Variants in PRH1 observed in about 807,000 individuals in gnomAD.
PRH1 encodes the protein proline rich protein HaeIII subfamily 1, also known as salivary acidic proline-rich phosphoprotein 1/2.
Under a neutral mutation model 7.9 loss-of-function variants are expected in PRH1, and 7 were observed. The ratio of observed to expected loss-of-function variants is 0.89; its 90% CI spans 0.50 to 1.67. The LOEUF is 1.67. PRH1 is among the 40% of genes most tolerant of loss of function. The probability of loss-of-function intolerance (pLI) is 0.00; values close to 1 mark genes in which losing one functional copy is unlikely to be tolerated. For missense variants in PRH1, 109 were observed against 223.6 expected, an observed-to-expected ratio of 0.49 and a Z score of 3.27; for synonymous variants, 45 against 80.8, an observed-to-expected ratio of 0.56 and a Z score of 2.38.
chr12:10,969,820 G>C (rs1429550391), intron 2 of PRH1, among the ~76,000 whole-genome samples: 1 of 152,060 alleles, frequency 6.6e-6, no homozygotes, highest in African/African-American at 2.4e-5. Context: ...TTTATTTTGA[G>C]ATGGAGTCTC....
At chr12:10,942,441 C>T (rs949148408) in intron 2 of PRH1, among the ~76,000 whole-genome samples, 2 of 152,062 alleles carry the variant, frequency 1.3e-5, no homozygotes, top group East Asian at 1.9e-4. Flanking sequence ...AGTTATGCAC[C>T]TAGAAGGAAG....
chr12:10,974,931 C>A (rs747455938), intron 1 of PRH1, among the ~76,000 whole-genome samples: 1 of 151,948 alleles, frequency 6.6e-6, no homozygotes, highest in Non-Finnish European at 1.5e-5. Context: ...AAATACAAAA[C>A]GGTTATTTTA....
intron 1 of PRH1, among the ~76,000 whole-genome samples, chr12:10,976,927 C>G (rs1229976512): frequency 6.6e-6 from 1 of 151,912 alleles, no homozygotes; most frequent in Non-Finnish European, 1.5e-5. Flanking sequence ...TAATAAGAAG[C>G]CTGCCAACCA....
At chr12:11,130,162 A>G (rs1438582290) in intron 1 of PRH1, among the ~76,000 whole-genome samples, 2 of 152,238 alleles carry the variant, frequency 1.3e-5, no homozygotes, top group Non-Finnish European at 2.9e-5. Context: ...AAATAATACC[A>G]ATAATAATAT....
chr12:10,974,166 A>G (rs1014925736), intron 1 of PRH1, among the ~76,000 whole-genome samples: 1 of 152,232 alleles, frequency 6.6e-6, no homozygotes, highest in Non-Finnish European at 1.5e-5. Flanking sequence ...ATTTTTATCA[A>G]TAAATGATGC....
At chr12:10,895,762 C>T (rs1215585975) in intron 2 of PRH1, 1 of 152,178 alleles carries the variant, frequency 6.6e-6, no homozygotes, top group Non-Finnish European at 1.5e-5. Context: ...TCAGGGAGAC[C>T]TTTCAGTTCC....
At chr12:11,136,439 T>C (rs1053846374) in intron 1 of PRH1, among the ~76,000 whole-genome samples, 1 of 152,218 alleles carries the variant, frequency 6.6e-6, no homozygotes, top group African/African-American at 2.4e-5. Context: ...GAGAATTCTT[T>C]CATATATCAT....
At chr12:11,059,485 C>T (rs758302962) in intron 1 of PRH1, among the ~76,000 whole-genome samples, 125 of 152,032 alleles carry the variant, frequency 8.2e-4, no homozygotes, top group Non-Finnish European at 1.4e-3. Context: ...AAATGAAATG[C>T]CATTTTTGTT....
At chr12:11,032,155 C>T (rs4763615) in intron 1 of PRH1, among the ~76,000 whole-genome samples, 151,598 of 152,354 alleles carry the variant, frequency 1, 75,426 homozygotes, top group Non-Finnish European at 1. Flanking sequence ...TTTGCTAGTA[C>T]GCAAATAGGG....
chr12:11,073,976 A>G (rs1944192391), intron 1 of PRH1, among the ~76,000 whole-genome samples: 1 of 149,200 alleles, frequency 6.7e-6, no homozygotes, highest in African/African-American at 2.5e-5. Context: ...CAACTACACA[A>G]GGCATCTGCT....
intron 1 of PRH1, among the ~76,000 whole-genome samples, chr12:11,167,289 G>C (rs1340958565): frequency 6.6e-6 from 1 of 152,070 alleles, no homozygotes; most frequent in Non-Finnish European, 1.5e-5. Context: ...GGGGCTCCCA[G>C]GTATTCTAAA....
chr12:11,140,058 T>C (rs1375381362), intron 1 of PRH1, among the ~76,000 whole-genome samples: 1 of 151,966 alleles, frequency 6.6e-6, no homozygotes, highest in Non-Finnish European at 1.5e-5. Flanking sequence ...TTATTAATAA[T>C]GCCTTATATA....
At chr12:11,094,368 G>T (rs1231139665) in intron 1 of PRH1, among the ~76,000 whole-genome samples, 3 of 109,346 alleles carry the variant, frequency 2.7e-5, no homozygotes, top group African/African-American at 9.2e-5. Context: ...TCTAATGTAG[G>T]TTTGGAGGGT....
intron 2 of PRH1, among the ~76,000 whole-genome samples, chr12:10,903,451 T>A (rs1040536385): frequency 6.6e-6 from 1 of 151,952 alleles, no homozygotes; most frequent in Admixed American, 6.6e-5. Flanking sequence ...GACAGATCAT[T>A]GAGGCAGAAA....
At chr12:10,912,774 C>T (rs1949918582) in intron 2 of PRH1, among the ~76,000 whole-genome samples, 2 of 151,828 alleles carry the variant, frequency 1.3e-5, no homozygotes, top group Admixed American at 6.6e-5. Context: ...GTTCGAGTTT[C>T]CATTTACATA....
chr12:11,128,764 G>A (rs1455753222), intron 1 of PRH1, among the ~76,000 whole-genome samples: 1 of 143,418 alleles, frequency 7.0e-6, no homozygotes, highest in African/African-American at 2.5e-5. Flanking sequence ...ACAAAAAGGA[G>A]ATGATAATAA....
At chr12:11,081,177 T>A (rs1322506072) in intron 1 of PRH1, among the ~76,000 whole-genome samples, 1 of 138,116 alleles carries the variant, frequency 7.2e-6, no homozygotes, top group Admixed American at 7.4e-5. Flanking sequence ...TTTGTATATT[T>A]CCATCTCTTT....
At chr12:11,072,957 G>A (rs1217546713) in intron 1 of PRH1, among the ~76,000 whole-genome samples, 18 of 151,666 alleles carry the variant, frequency 1.2e-4, no homozygotes, top group Admixed American at 2.6e-4. Context: ...ACAGTAATTG[G>A]TGCAATAACC....
At chr12:11,117,962 T>C (rs1320153165), downstream of PRH1, among the ~76,000 whole-genome samples, 1 of 152,134 alleles carries the variant, frequency 6.6e-6, no homozygotes, top group Non-Finnish European at 1.5e-5. Flanking sequence ...GAAGCTCCCA[T>C]AAGAAAACAT....
Sources: allele counts gnomAD v4.1 joint callset (sites outside exome capture counted in the v4.1 genomes callset), GRCh38; gene constraint gnomAD v4.1.1; transcripts MANE v1.5; gene names NCBI Gene and HGNC (gene_info 2026-07-23, HGNC 2026-07-21).